Variants in PDE11A observed in about 807,000 individuals in gnomAD.
PDE11A encodes dual 3',5'-cyclic-AMP and -GMP phosphodiesterase 11A.
PDE11A carries 100 observed loss-of-function variants against 100.5 expected under a neutral mutation model. That is an observed-to-expected ratio of 1.00 (90% CI 0.85 to 1.18). The LOEUF is 1.18. PDE11A is among the 50% of genes most tolerant of loss of function. The pLI, the probability that PDE11A is intolerant of heterozygous loss-of-function variation, is 0.00. For synonymous variants in PDE11A, 381 were observed against 420.8 expected (o/e 0.91, Z 1.16); for missense variants, 1,141 against 1,152.6 (o/e 0.99, Z 0.15).
chr2:177,828,780 G>T (rs772607110), intron 6 of PDE11A, among the ~76,000 whole-genome samples: 1 of 152,218 alleles, frequency 6.6e-6, no homozygotes, highest in Non-Finnish European at 1.5e-5. Context: ...TAGGGTGCCA[G>T]ATGGTGTATG....
intron 5 of PDE11A, among the ~76,000 whole-genome samples, chr2:177,841,759 T>C (rs1316435571): frequency 6.6e-6 from 1 of 152,216 alleles, no homozygotes; most frequent in Non-Finnish European, 1.5e-5. Flanking sequence ...TCTCTATGGC[T>C]CTCTGGCTGA....
chr2:177,727,966 A>G, intron 11 of PDE11A, 60 bp downstream of exon 11: 1 of 1,454,882 alleles, frequency 6.9e-7, no homozygotes, highest in South Asian at 1.1e-5. Flanking sequence ...CCAGTGGTTC[A>G]GAGTGGCTAA....
intron 5 of PDE11A, among the ~76,000 whole-genome samples, chr2:177,864,446 A>G (rs1292356876): frequency 1.3e-5 from 2 of 152,206 alleles, no homozygotes; most frequent in Admixed American, 6.5e-5. Flanking sequence ...TATGTATTCC[A>G]TAACATGTTG....
At chr2:177,996,780 T>A (rs1251051449) in intron 2 of PDE11A, among the ~76,000 whole-genome samples, 3 of 152,142 alleles carry the variant, frequency 2.0e-5, no homozygotes, top group Admixed American at 1.3e-4. Context: ...CTTCTCCATA[T>A]ATTGGGCAAA....
At chr2:177,869,055 A>G (rs548904018) in intron 5 of PDE11A, among the ~76,000 whole-genome samples, 2 of 152,364 alleles carry the variant, frequency 1.3e-5, no homozygotes, top group South Asian at 4.1e-4. Flanking sequence ...GTGTATGTGC[A>G]TGCATGCATG....
At chr2:177,660,322 A>T (rs1425757560) in intron 19 of PDE11A, among the ~76,000 whole-genome samples, 2 of 152,036 alleles carry the variant, frequency 1.3e-5, no homozygotes, top group Non-Finnish European at 2.9e-5. Context: ...TGTTCTGTGC[A>T]TGTGTCCTAC....
chr2:177,624,617 T>C lies in PDE11A; in HGVS notation c.*4790A>G, dbSNP rs572572823. Reference sequence around the variant, plus strand: ...TTCTAACCCAATGTATTTGCAAATATACAATACCTGGAAATGCATAGACAT... The same window carrying C: ...TTCTAACCCAATGTATTTGCAAATACACAATACCTGGAAATGCATAGACAT... On this transcript the variant is annotated 3_prime_UTR_variant, in exon 20 of 20. Coordinates refer to ENST00000286063, the MANE Select transcript of PDE11A (RefSeq NM_016953.4). The C allele has an allele frequency of 6.6e-6, 1 of 152,196 alleles. No homozygotes were observed. Among genetic ancestry groups the C allele is most frequent in the Non-Finnish European group, 1.5e-5 (1 of 68,018 alleles). 9.4% of individuals were successfully genotyped at this position (152,196 alleles called of 1,614,324 possible).
intron 9 of PDE11A, among the ~76,000 whole-genome samples, chr2:177,775,283 C>T (rs1558932327): frequency 1.3e-5 from 2 of 152,058 alleles, no homozygotes; most frequent in South Asian, 2.1e-4. Context: ...ACTAATATAC[C>T]ACACAAACCC....
chr2:177,752,730 G>A (rs1215467352), intron 10 of PDE11A, among the ~76,000 whole-genome samples: 2 of 152,254 alleles, frequency 1.3e-5, no homozygotes, highest in East Asian at 3.9e-4. Flanking sequence ...CATTTTGTTA[G>A]TCACCGGAGA....
In PDE11A at chr2:177,840,239, G is replaced by T; in HGVS notation, c.1500+12C>A. The T allele has an allele frequency of 1.2e-6, 2 of 1,613,592 alleles. No individual in the cohort carries two copies. The highest frequency in any genetic ancestry group is 1.3e-5 in the African/African-American group (1 of 75,024). On this transcript the variant is annotated intron_variant, in intron 6 of 19. Transcript: ENST00000286063. ...TGAAACTTAGGATTGCAACCAGAGG[G>T]GCTCCTCTTACCTCTGCATCAAAGC...
At chr2:177,957,530 C>T (rs936541420) in intron 2 of PDE11A, among the ~76,000 whole-genome samples, 3 of 152,170 alleles carry the variant, frequency 2.0e-5, no homozygotes, top group African/African-American at 4.8e-5. Flanking sequence ...AAAACAATTA[C>T]ACTTCAAACC....
chr2:177,958,281 G>C (rs2085591450), intron 2 of PDE11A, among the ~76,000 whole-genome samples: 1 of 152,158 alleles, frequency 6.6e-6, no homozygotes. Context: ...GGATGTAAAA[G>C]GATTTGGTAA....
chr2:177,900,325 C>G (rs2084677173), intron 3 of PDE11A, among the ~76,000 whole-genome samples: 1 of 152,188 alleles, frequency 6.6e-6, no homozygotes, highest in Non-Finnish European at 1.5e-5. Context: ...CATGAATTGT[C>G]AAATTCACAT....
intron 2 of PDE11A, among the ~76,000 whole-genome samples, chr2:177,999,155 C>T (rs570341959): frequency 6.7e-4 from 102 of 152,128 alleles, no homozygotes; most frequent in African/African-American, 2.2e-3. Flanking sequence ...TGAAAAGAAG[C>T]AATGGACATT....
At position 177,625,159 on chromosome 2, in the gene PDE11A, A is replaced by C. The variant is rs1056031612; in HGVS notation, c.*4248T>G. The C allele has an allele frequency of 2.6e-5, 4 of 152,616 alleles. No individual in the cohort carries two copies. The highest frequency in any genetic ancestry group is 5.9e-5 in the Non-Finnish European group (4 of 68,028). 9.5% of individuals were successfully genotyped at this position (152,616 alleles called of 1,614,324 possible). A position where few individuals can be genotyped will look rare whatever the true frequency, so the allele number is the denominator to read the frequency against. On this transcript the variant is annotated 3_prime_UTR_variant, in exon 20 of 20. Transcript: ENST00000286063. The stretch of plus-strand genomic sequence containing the variant: ...AGGCTCAAGATACATCTGTAGTATG[A>C]TTGTGCTTACATCTACCCCATATAT...
chr2:177,712,590 C>T (rs1263202117), intron 12 of PDE11A, among the ~76,000 whole-genome samples: 2 of 152,084 alleles, frequency 1.3e-5, no homozygotes, highest in East Asian at 3.9e-4. Flanking sequence ...CTTGTGGTAG[C>T]TTGCTGGTGA....
chr2:177,775,972 G>C (rs541725829), intron 9 of PDE11A, among the ~76,000 whole-genome samples: 2 of 152,340 alleles, frequency 1.3e-5, no homozygotes, highest in African/African-American at 4.8e-5. Context: ...TGGGAGTATG[G>C]TTGATACTTA....
intron 19 of PDE11A, among the ~76,000 whole-genome samples, chr2:177,643,405 G>A (rs986751393): frequency 6.6e-6 from 1 of 152,198 alleles, no homozygotes; most frequent in East Asian, 1.9e-4. Context: ...TTTTAGCAAA[G>A]AGACTGGCAG....
chr2:177,981,202 A>T (rs2085877291), intron 2 of PDE11A, among the ~76,000 whole-genome samples: 1 of 150,660 alleles, frequency 6.6e-6, no homozygotes, highest in East Asian at 1.9e-4. Flanking sequence ...AATTTTTGTC[A>T]AGTGCTCATC....
Sources: allele counts gnomAD v4.1 joint callset (sites outside exome capture counted in the v4.1 genomes callset), GRCh38; gene constraint gnomAD v4.1.1; transcripts MANE v1.5; gene names NCBI Gene and HGNC (gene_info 2026-07-23, HGNC 2026-07-21).